C8orf34: variants seen among roughly 807,000 people sequenced by gnomAD.
C8orf34 encodes uncharacterized protein C8orf34.
In C8orf34, 65 loss-of-function variants were observed where a neutral mutation model predicts 68.3. That is an observed-to-expected ratio of 0.95 (90% confidence interval 0.78 to 1.17). The LOEUF (loss-of-function observed/expected upper bound fraction) is 1.17, where lower values mean the gene tolerates loss of function less well. C8orf34 is among the 50% of genes most tolerant of loss of function. The probability of loss-of-function intolerance (pLI) is 0.00; values close to 1 mark genes in which losing one functional copy is unlikely to be tolerated. For missense variants in C8orf34, 664 were observed against 655.4 expected (o/e 1.01, Z -0.14); for synonymous variants, 244 against 241.2 (o/e 1.01, Z -0.11).
chr8:68,453,023 A>G lies in C8orf34; in HGVS notation c.607+6563A>G, dbSNP rs571597416. On this transcript the variant is annotated intron_variant, in intron 3 of 13. Transcript: ENST00000518698. ...TCAGTACCAATTTTTTGAAAATACT[A>G]TTCTTTCCTCATTGAATAATCTTGT... Among the ~76,000 whole-genome samples the G allele has an allele frequency of 4.2e-4, 64 of 152,042 alleles. 1 individual carries two copies. The highest frequency in any genetic ancestry group is 1.4e-3 in the African/African-American group (59 of 41,536).
intron 7 of C8orf34, among the ~76,000 whole-genome samples, chr8:68,616,318 C>G (rs1477680117): frequency 3.9e-5 from 6 of 152,102 alleles, no homozygotes; most frequent in South Asian, 4.1e-4. Flanking sequence ...TTACTTATTT[C>G]TTGCCTTCTG....
intron 1 of C8orf34, among the ~76,000 whole-genome samples, chr8:68,426,664 G>A (rs1461491535): frequency 6.7e-6 from 1 of 149,596 alleles, no homozygotes; most frequent in Non-Finnish European, 1.5e-5. Flanking sequence ...AAAAAGAAAA[G>A]CAATTCCAGC....
At chr8:68,586,654 A>G (rs144280142) in intron 7 of C8orf34, among the ~76,000 whole-genome samples, 19 of 152,320 alleles carry the variant, frequency 1.2e-4, no homozygotes, top group African/African-American at 4.6e-4. Flanking sequence ...TATAAGATAC[A>G]GGGATAAATT....
intron 7 of C8orf34, among the ~76,000 whole-genome samples, chr8:68,550,369 A>G (rs1036391445): frequency 2.0e-5 from 3 of 151,814 alleles, no homozygotes. Context: ...ATACCTTGTA[A>G]TATCAAAATA....
At chr8:68,446,269 G>C in intron 2 of C8orf34, 60 bp from the exon 3 acceptor site, 3 of 1,425,138 alleles carry the variant, frequency 2.1e-6, no homozygotes. Flanking sequence ...TCGTGGACTT[G>C]GTTTTTGCTC....
chr8:68,342,149 G>C (rs970662694), intron 1 of C8orf34, among the ~76,000 whole-genome samples: 1 of 152,160 alleles, frequency 6.6e-6, no homozygotes, highest in African/African-American at 2.4e-5. Context: ...TCATTTCATA[G>C]TGTATAATAT....
chr8:68,694,252 C>T (rs1820764242), intron 8 of C8orf34, among the ~76,000 whole-genome samples: 1 of 151,668 alleles, frequency 6.6e-6, no homozygotes, highest in South Asian at 2.1e-4. Context: ...CCCTATGCCC[C>T]CCTTGGGAAT....
At chr8:68,763,410 T>C (rs910034123) in intron 10 of C8orf34, among the ~76,000 whole-genome samples, 2 of 152,234 alleles carry the variant, frequency 1.3e-5, no homozygotes, top group Admixed American at 6.5e-5. Context: ...GACAGTGTCT[T>C]TGTGGTAGGC....
At chr8:68,564,196 C>A (rs1184856026) in intron 7 of C8orf34, among the ~76,000 whole-genome samples, 1 of 152,096 alleles carries the variant, frequency 6.6e-6, no homozygotes, top group Non-Finnish European at 1.5e-5. Context: ...TACAATTGAA[C>A]AAAACCTCCA....
chr8:68,532,817 T>G lies in C8orf34; in HGVS notation c.939-166T>G, dbSNP rs943137448. Reference sequence around the variant, plus strand: ...TTCCCCATACTCACTTGGGAATTCCTTAGTGAGGTACGGATGGGTGTCCAA... The same window carrying G: ...TTCCCCATACTCACTTGGGAATTCCGTAGTGAGGTACGGATGGGTGTCCAA... On this transcript the variant is annotated intron_variant, in intron 6 of 13. Coordinates refer to ENST00000518698, the MANE Select transcript of C8orf34 (RefSeq NM_052958.4). Among the ~76,000 whole-genome samples the G allele has an allele frequency of 5.3e-5, 8 of 152,276 alleles. No individual in the cohort carries two copies. The Middle Eastern group carries it at 0.01, about 194-fold the overall frequency.
In C8orf34 at chr8:68,616,543, A is replaced by G. The variant is rs542611310; in HGVS notation, c.1106-23833A>G. On this transcript the variant is annotated intron_variant, in intron 7 of 13. Transcript: ENST00000518698. ...TCTTTATTTCTGCCTTCATTTCGTT[A>G]TGTACCTGGTAGTCATTCAGGAGCA... is the stretch of plus-strand genomic sequence containing the variant. Among the ~76,000 whole-genome samples, 559 of 152,268 alleles carry G rather than the reference A, an allele frequency of 3.7e-3. 7 individuals carry two copies. Among genetic ancestry groups the G allele is most frequent in the African/African-American group, 0.013 (533 of 41,558 alleles).
chr8:68,810,591 G>A (rs892804225), intron 12 of C8orf34, among the ~76,000 whole-genome samples: 17 of 152,158 alleles, frequency 1.1e-4, no homozygotes, highest in African/African-American at 3.1e-4. Flanking sequence ...CAGTCCTGCT[G>A]TTTGGGGGGT....
At position 68,342,881 on chromosome 8, in the gene C8orf34, C is replaced by T. The variant is rs1428018231; in HGVS notation, c.327+11542C>T. Among the ~76,000 whole-genome samples the T allele has an allele frequency of 3.3e-5, 5 of 152,144 alleles. No individual in the cohort carries two copies. In the East Asian group the frequency reaches 7.7e-4, roughly 24 times the overall value. On this transcript the variant is annotated intron_variant, in intron 1 of 13. Coordinates refer to ENST00000518698, the MANE Select transcript of C8orf34 (RefSeq NM_052958.4). ...GCCTTAATGTGCTTAAGTGAAAAGG[C>T]GAAAGTGCTCTCCTTAATAGGGAAA...
chr8:68,482,315 G>A (rs558228686), intron 4 of C8orf34, among the ~76,000 whole-genome samples: 1 of 152,270 alleles, frequency 6.6e-6, no homozygotes, highest in South Asian at 2.1e-4. Flanking sequence ...TTTCAGGTAT[G>A]TCTTTATCAG....
chr8:68,672,254 C>A (rs1163435004), intron 8 of C8orf34, among the ~76,000 whole-genome samples: 1 of 152,042 alleles, frequency 6.6e-6, no homozygotes, highest in East Asian at 1.9e-4. Context: ...CATAGGGACA[C>A]CAAATTTGAC....
At chr8:68,484,641 C>T (rs1486916823) in intron 4 of C8orf34, among the ~76,000 whole-genome samples, 2 of 152,174 alleles carry the variant, frequency 1.3e-5, no homozygotes, top group East Asian at 1.9e-4. Context: ...TTAATCTCTT[C>T]TCAGGGAATA....
At chr8:68,440,679 T>C (rs890812169) in intron 2 of C8orf34, among the ~76,000 whole-genome samples, 1 of 152,210 alleles carries the variant, frequency 6.6e-6, no homozygotes, top group African/African-American at 2.4e-5. Context: ...GGGCTTTGGT[T>C]TGTAGGTACT....
At chr8:68,456,810 C>T (rs544347621) in intron 3 of C8orf34, among the ~76,000 whole-genome samples, 10 of 152,240 alleles carry the variant, frequency 6.6e-5, no homozygotes, top group Admixed American at 3.9e-4. Flanking sequence ...TGCAAGGTAG[C>T]GTTATAGTAT....
At chr8:68,743,442 C>T (rs190709871) in intron 10 of C8orf34, among the ~76,000 whole-genome samples, 59 of 152,272 alleles carry the variant, frequency 3.9e-4, no homozygotes, top group Admixed American at 8.5e-4. Flanking sequence ...TCTGCATTTC[C>T]ATCTGAGGTA....
Sources: gnomAD v4.1 joint callset for allele counts (sites outside exome capture counted in the v4.1 genomes callset) on GRCh38, gnomAD v4.1.1 for gene constraint, MANE v1.5 for transcripts, NCBI Gene and HGNC (gene_info 2026-07-23, HGNC 2026-07-21) for gene names.